UXS1: variants seen among roughly 807,000 people sequenced by gnomAD.
UXS1 encodes the protein UDP-glucuronate decarboxylase 1.
In UXS1, 33 loss-of-function variants were observed where a neutral mutation model predicts 62.6. The ratio of observed to expected loss-of-function variants is 0.53; its 90% CI spans 0.40 to 0.70. The LOEUF (loss-of-function observed/expected upper bound fraction) is 0.70. Among genes scored for constraint, UXS1 ranks in the 30% least tolerant of loss-of-function variants. The probability of loss-of-function intolerance (pLI) is 0.00; values close to 1 mark genes in which losing one functional copy is unlikely to be tolerated. For synonymous variants in UXS1, 213 were observed against 206.8 expected (o/e 1.03, Z -0.26); for missense variants, 434 against 556.3 (o/e 0.78, Z 2.21).
intron 11 of UXS1, among the ~76,000 whole-genome samples, chr2:106,104,017 A>C (rs984383816): frequency 6.6e-6 from 1 of 152,290 alleles, no homozygotes; most frequent in South Asian, 2.1e-4. Flanking sequence ...GATGGCCCTA[A>C]GACAGCAGGA....
At chr2:106,097,181 C>A (rs774422561) in intron 13 of UXS1, 6 of 466,452 alleles carry the variant, frequency 1.3e-5, no homozygotes, top group Non-Finnish European at 2.6e-5. Flanking sequence ...AGCATGACCC[C>A]GGTGTGAGAC....
Position 106,127,719 on chromosome 2 carries a change from G to A in UXS1, c.577+1955C>T, listed in dbSNP as rs565654860. On this transcript the variant is annotated intron_variant, in intron 7 of 14. Coordinates refer to ENST00000283148, the MANE Select transcript of UXS1 (RefSeq NM_001253875.2). ...CAAGTGCAAGATGGCTAATGACAGC[G>A]CCTCTCGGTTCAGAATACAAAGTCC... 5.9e-5 allele frequency among the ~76,000 whole-genome samples: 9 copies of A among 152,278 alleles called. No homozygotes were observed. In the East Asian group the frequency reaches 1.5e-3, roughly 26 times the overall value.
chr2:106,164,384 G>A (rs1034598477), intron 3 of UXS1, among the ~76,000 whole-genome samples: 6 of 10,654 alleles, frequency 5.6e-4, no homozygotes, highest in South Asian at 2.9e-3. Context: ...CCTAGCATCC[G>A]ATTGGTGGCC....
At chr2:106,125,199 G>A (rs1325862939) in intron 8 of UXS1, among the ~76,000 whole-genome samples, 2 of 152,304 alleles carry the variant, frequency 1.3e-5, no homozygotes, top group East Asian at 3.9e-4. Flanking sequence ...GTCAGCGCAT[G>A]TCTCTTCTCC....
intron 6 of UXS1, among the ~76,000 whole-genome samples, chr2:106,141,791 A>G (rs991752564): frequency 1.3e-5 from 2 of 151,484 alleles, no homozygotes; most frequent in African/African-American, 2.4e-5. Flanking sequence ...CCATATAACC[A>G]TATTACCTAT....
Position 106,136,965 on chromosome 2 carries a change from CA to C in UXS1, c.473-7188del, listed in dbSNP as rs397701050. 6.4e-3 allele frequency among the ~76,000 whole-genome samples: 346 copies of C among 54,188 alleles called. 1 individual carries two copies. Among genetic ancestry groups the C allele is most frequent in the African/African-American group, 0.016 (212 of 13,592 alleles). The allele number at this position is 54,188 out of a possible 152,430, so 35.5% of individuals were successfully genotyped here. A position where few individuals can be genotyped will look rare whatever the true frequency, so the allele number is the denominator to read the frequency against. ...AGAATGGAGAAGTCAAGAACACACA[CA>C]AAAAAAAAAAAAAAAAAAAAGAAAG... On this transcript the variant is annotated intron_variant, in intron 6 of 14. Coordinates refer to ENST00000283148, the MANE Select transcript of UXS1 (RefSeq NM_001253875.2).
chr2:106,140,027 A>G (rs1353472790), intron 6 of UXS1, among the ~76,000 whole-genome samples: 1 of 152,226 alleles, frequency 6.6e-6, no homozygotes, highest in East Asian at 1.9e-4. Context: ...ACCAGTATTT[A>G]GGATGGAAAA....
At chr2:106,162,626 C>T (rs763514591) in intron 4 of UXS1, among the ~76,000 whole-genome samples, 12 of 152,270 alleles carry the variant, frequency 7.9e-5, no homozygotes, top group Non-Finnish European at 8.8e-5. Flanking sequence ...GGAAATATTA[C>T]AAGCTGCATA....
At chr2:106,103,135 G>T (rs577740446) in intron 11 of UXS1, among the ~76,000 whole-genome samples, 2 of 152,358 alleles carry the variant, frequency 1.3e-5, no homozygotes, top group East Asian at 3.9e-4. Context: ...GCGGGCCAGG[G>T]TGCATTTTGT....
chr2:106,138,142 C>A, intron 6 of UXS1: 1 of 984,002 alleles, frequency 1.0e-6, no homozygotes, highest in Non-Finnish European at 1.2e-6. Context: ...GCCTCTCCGA[C>A]ATCAAACAGA....
intron 1 of UXS1, among the ~76,000 whole-genome samples, chr2:106,181,246 C>T (rs576366817): frequency 3.3e-5 from 5 of 152,268 alleles, no homozygotes; most frequent in South Asian, 4.1e-4. Context: ...TCTTCTTCCC[C>T]GCTGCCAATC....
chr2:106,140,077 A>G (rs1289241596), intron 6 of UXS1, among the ~76,000 whole-genome samples: 1 of 152,224 alleles, frequency 6.6e-6, no homozygotes, highest in African/African-American at 2.4e-5. Context: ...AAGTATAAAG[A>G]CCAAATTTCT....
At chr2:106,137,015 A>G (rs1680708893) in intron 6 of UXS1, among the ~76,000 whole-genome samples, 2 of 148,616 alleles carry the variant, frequency 1.3e-5, no homozygotes, top group African/African-American at 4.9e-5. Context: ...CCAGTGAGTT[A>G]ATTTAGAAAT....
chr2:106,160,054 C>T (rs1209845600), intron 4 of UXS1: 1 of 152,252 alleles, frequency 6.6e-6, no homozygotes, highest in African/African-American at 2.4e-5. Flanking sequence ...GAAAGTCATC[C>T]ATGCAGCTGG....
chr2:106,138,375 C>A, intron 6 of UXS1: 1 of 985,590 alleles, frequency 1.0e-6, no homozygotes, highest in Non-Finnish European at 1.2e-6. Flanking sequence ...GCTCACTGAG[C>A]ACAAGATGCA....
In UXS1 at chr2:106,153,722, G is replaced by A. The variant is rs565502377; in HGVS notation, c.291+4336C>T. Among the ~76,000 whole-genome samples, 15 of 152,272 alleles carry A rather than the reference G, an allele frequency of 9.9e-5. No individual in the cohort carries two copies. In the South Asian group the frequency reaches 2.9e-3, roughly 29 times the overall value. On this transcript the variant is annotated intron_variant, in intron 5 of 14. Transcript: ENST00000283148. ...CAACAAAGCAATAAAAACTGTCTGT[G>A]TGAAGTCCCAGGTGTTGGATATAAC...
chr2:106,112,191 T>C (rs1678676286), intron 10 of UXS1, among the ~76,000 whole-genome samples: 1 of 152,170 alleles, frequency 6.6e-6, no homozygotes, highest in Non-Finnish European at 1.5e-5. Context: ...CTCCCTGGGT[T>C]GAGGGTGGCC....
chr2:106,113,841 A>T (rs746628900), intron 9 of UXS1, among the ~76,000 whole-genome samples: 1 of 152,198 alleles, frequency 6.6e-6, no homozygotes, highest in Non-Finnish European at 1.5e-5. Flanking sequence ...TCGCAGCAAG[A>T]CTGGGAAAGA....
At chr2:106,100,493 C>G (rs940386816) in intron 12 of UXS1, among the ~76,000 whole-genome samples, 1 of 152,124 alleles carries the variant, frequency 6.6e-6, no homozygotes, top group Non-Finnish European at 1.5e-5. Flanking sequence ...TTTCTGCCGG[C>G]CAGAACTGTC....
Sources: allele counts gnomAD v4.1 joint callset (sites outside exome capture counted in the v4.1 genomes callset), GRCh38; gene constraint gnomAD v4.1.1; transcripts MANE v1.5; gene names NCBI Gene and HGNC (gene_info 2026-07-23, HGNC 2026-07-21).